Variants in AOPEP observed in about 807,000 individuals in gnomAD.
The protein encoded by AOPEP is aminopeptidase O (putative).
AOPEP carries 77 observed loss-of-function variants against 98.1 expected under a neutral mutation model. The ratio of observed to expected loss-of-function variants is 0.78; its 90% confidence interval spans 0.65 to 0.95. The LOEUF is 0.95. Among genes scored for constraint, AOPEP ranks in the 40% least tolerant of loss-of-function variants. The pLI, the probability that AOPEP is intolerant of heterozygous loss-of-function variation, is 0.00. For missense variants in AOPEP, 1,024 were observed against 1,024.7 expected, an observed-to-expected ratio of 1.00 and a Z score of 0.01; for synonymous variants, 346 against 365.3, an observed-to-expected ratio of 0.95 and a Z score of 0.60.
chr9:94,968,932 C>T (rs1267508865), intron 10 of AOPEP, among the ~76,000 whole-genome samples: 1 of 152,122 alleles, frequency 6.6e-6, no homozygotes, highest in Non-Finnish European at 1.5e-5. Flanking sequence ...CATACAGACA[C>T]TCATTTAATC....
intron 5 of AOPEP, 149 bp from the exon 6 acceptor site, chr9:94,923,837 G>A (rs1029831890): frequency 1.1e-5 from 5 of 459,380 alleles, no homozygotes; most frequent in African/African-American, 4.0e-5. Flanking sequence ...ATTTATGTCT[G>A]AAAGCATCTA....
At chr9:94,922,186 G>A (rs1025539611) in intron 5 of AOPEP, among the ~76,000 whole-genome samples, 9 of 152,188 alleles carry the variant, frequency 5.9e-5, no homozygotes, top group South Asian at 2.1e-4. Context: ...TTGCATAAAT[G>A]GGCCCTGGTG....
intron 15 of AOPEP, 69 bp from the exon 16 acceptor site, chr9:95,082,506 A>G (rs1210845300): frequency 1.3e-6 from 2 of 1,536,732 alleles, no homozygotes; most frequent in Non-Finnish European, 1.8e-6. Context: ...GCACAGACTG[A>G]GCTCATGTGT....
chr9:95,142,556 G>T, the AOPEP span: 2 of 152,106 alleles, frequency 1.3e-5, no homozygotes, highest in Admixed American at 1.3e-4. Context: ...ATGGTTACGG[G>T]GTATTTACTG....
chr9:94,836,942 T>C (rs182243887), intron 5 of AOPEP, among the ~76,000 whole-genome samples: 1 of 152,092 alleles, frequency 6.6e-6, no homozygotes, highest in Non-Finnish European at 1.5e-5. Context: ...TTTAAAAAAA[T>C]TTTTTATGAA....
chr9:95,039,139 G>A (rs552511237), intron 13 of AOPEP, among the ~76,000 whole-genome samples: 1 of 152,144 alleles, frequency 6.6e-6, no homozygotes, highest in Non-Finnish European at 1.5e-5. Context: ...TAGCATAATG[G>A]TGGAGTTAAC....
At chr9:95,055,529 C>T (rs1054690332) in intron 13 of AOPEP, among the ~76,000 whole-genome samples, 5 of 152,126 alleles carry the variant, frequency 3.3e-5, no homozygotes, top group African/African-American at 1.2e-4. Flanking sequence ...TAAGTTCTGT[C>T]TCGTGTCCTG....
the AOPEP span, chr9:95,126,860 C>T: frequency 7.6e-4 from 322 of 426,224 alleles, 5 homozygotes; most frequent in East Asian, 0.011. Flanking sequence ...AATACAGAAT[C>T]AGTAAGTATT....
At chr9:95,037,772 A>C (rs1161423079) in intron 13 of AOPEP, among the ~76,000 whole-genome samples, 1 of 152,212 alleles carries the variant, frequency 6.6e-6, no homozygotes, top group Non-Finnish European at 1.5e-5. Flanking sequence ...CTCCTGAAGA[A>C]TTGCGGCAAC....
chr9:94,817,261 T>G (rs997199542), intron 5 of AOPEP, among the ~76,000 whole-genome samples: 1 of 152,166 alleles, frequency 6.6e-6, no homozygotes, highest in South Asian at 2.1e-4. Flanking sequence ...TGCCTTGGCC[T>G]CCCACAGTGC....
chr9:94,738,826 A>G (rs890691978), intron 1 of AOPEP, among the ~76,000 whole-genome samples: 6 of 152,192 alleles, frequency 3.9e-5, no homozygotes, highest in African/African-American at 1.4e-4. Context: ...CGCCCGCCTC[A>G]GCCTCCCAAA....
chr9:95,129,122 C>T, the AOPEP span, among the ~76,000 whole-genome samples: 16 of 151,924 alleles, frequency 1.1e-4, no homozygotes, highest in East Asian at 9.7e-4. Context: ...AGGATGGTCT[C>T]GATCTCCTGA....
At chr9:94,733,853 C>T (rs1454325779) in intron 1 of AOPEP, among the ~76,000 whole-genome samples, 1 of 152,104 alleles carries the variant, frequency 6.6e-6, no homozygotes, top group Non-Finnish European at 1.5e-5. Context: ...GAACTGAATA[C>T]ATGTTCAGTT....
intron 11 of AOPEP, among the ~76,000 whole-genome samples, chr9:94,997,395 C>G (rs1239988908): frequency 6.6e-6 from 1 of 152,182 alleles, no homozygotes; most frequent in Non-Finnish European, 1.5e-5. Flanking sequence ...GTGGCATTGA[C>G]TTTGAAATTT....
chr9:94,997,982 A>C lies in AOPEP; in HGVS notation c.1978-7176A>C, dbSNP rs145755864. ...CCGAAGTGCTAGCATTACAGGCATG[A>C]GCCACCACACACAGCTGAAAACTCT... On this transcript the variant is annotated intron_variant, in intron 11 of 16. Coordinates refer to ENST00000375315, the MANE Select transcript of AOPEP (RefSeq NM_001193329.3). 2.3e-3 allele frequency among the ~76,000 whole-genome samples: 353 copies of C among 152,270 alleles called. 1 individual carries two copies. The highest frequency in any genetic ancestry group is 8.2e-3 in the African/African-American group (339 of 41,548).
chr9:95,080,820 C>G (rs2069665115), intron 15 of AOPEP, 40 bp downstream of exon 15: 2 of 1,344,592 alleles, frequency 1.5e-6, no homozygotes, highest in Non-Finnish European at 2.1e-6. Flanking sequence ...TCTGTAAAGG[C>G]TGTCCCTGCA....
the AOPEP span, among the ~76,000 whole-genome samples, chr9:95,140,497 A>AAAACC: frequency 3.3e-5 from 5 of 150,454 alleles, no homozygotes; most frequent in South Asian, 2.1e-4. Flanking sequence ...AAAACAAAAC[A>AAAACC]AAACCAGAAT....
At chr9:94,840,203 T>C (rs967012351) in intron 5 of AOPEP, among the ~76,000 whole-genome samples, 1 of 152,254 alleles carries the variant, frequency 6.6e-6, no homozygotes, top group African/African-American at 2.4e-5. Flanking sequence ...AATTTTATCA[T>C]GAATGGGTGT....
chr9:95,101,792 T>C, the AOPEP span: 1 of 1,614,134 alleles, frequency 6.2e-7, no homozygotes, highest in Non-Finnish European at 8.5e-7. Flanking sequence ...ATTCCATCTG[T>C]ACAAGGTCTG....
Sources: allele counts gnomAD v4.1 joint callset (sites outside exome capture counted in the v4.1 genomes callset), GRCh38; gene constraint gnomAD v4.1.1; transcripts MANE v1.5; gene names NCBI Gene and HGNC (gene_info 2026-07-23, HGNC 2026-07-21).